FAT3: variants seen among roughly 807,000 people sequenced by gnomAD.
FAT3 encodes FAT atypical cadherin 3.
FAT3 carries 95 observed loss-of-function variants against 310.2 expected under a neutral mutation model. The ratio of observed to expected loss-of-function variants is 0.31; its 90% confidence interval spans 0.26 to 0.36. FAT3 has a LOEUF of 0.36. Among genes scored for constraint, FAT3 ranks in the 10% least tolerant of loss-of-function variants. FAT3 has a pLI of 1.00. For synonymous variants in FAT3, 2,314 were observed against 2,192.9 expected (o/e 1.06, Z -1.54); for missense variants, 5,408 against 5,715.6 (o/e 0.95, Z 1.74).
In FAT3 at chr11:92,571,204, C is replaced by T. The variant is rs547952358; in HGVS notation, c.3607+46256C>T. On this transcript the variant is annotated intron_variant, in intron 3 of 27. Coordinates refer to ENST00000525166, the MANE Select transcript of FAT3 (RefSeq NM_001367949.2). Reference sequence around the variant, plus strand: ...GAGGAAAGAGGTAAGGAATAGGAGCCTAGAAAAGGGAACTGGATGGACAAG... The same window carrying T: ...GAGGAAAGAGGTAAGGAATAGGAGCTTAGAAAAGGGAACTGGATGGACAAG... Among the ~76,000 whole-genome samples, 19 of 152,154 alleles carry T rather than the reference C, an allele frequency of 1.2e-4. 1 individual carries two copies. The highest frequency in any genetic ancestry group is 4.6e-4 in the African/African-American group (19 of 41,506).
Position 92,753,798 on chromosome 11 carries a change from G to GTGTGTGTGTGTGTGTGTATA in FAT3, c.3670-8057_3670-8056insGTGTGTGTGTGTGTGTATAT. On this transcript the variant is annotated intron_variant, in intron 4 of 27. Transcript: ENST00000525166. Reference sequence around the variant, plus strand: ...GGTGTGTGTGTGTGTGTGTGTGTGTGTATATATATATGGTGGAATACTACT... The same window carrying GTGTGTGTGTGTGTGTGTATA: ...GGTGTGTGTGTGTGTGTGTGTGTGTGTGTGTGTGTGTGTGTGTATATATATATATATGGTGGAATACTACT... 1.3e-3 allele frequency among the ~76,000 whole-genome samples: 156 copies of GTGTGTGTGTGTGTGTGTATA among 119,154 alleles called. 15 individuals carry two copies. Among genetic ancestry groups the GTGTGTGTGTGTGTGTGTATA allele is most frequent in the African/African-American group, 5.9e-3 (152 of 25,716 alleles). 78.2% of individuals were successfully genotyped at this position (119,154 alleles called of 152,430 possible). A position where few individuals can be genotyped will look rare whatever the true frequency, so the allele number is the denominator to read the frequency against.
intron 2 of FAT3, among the ~76,000 whole-genome samples, chr11:92,392,387 G>GT (rs1248512844): frequency 6.6e-6 from 1 of 151,972 alleles, no homozygotes; most frequent in Non-Finnish European, 1.5e-5. Flanking sequence ...AAGAAATAAG[G>GT]TTTGGGGCAT....
At chr11:92,415,734 C>T (rs370304059) in intron 2 of FAT3, among the ~76,000 whole-genome samples, 30 of 151,646 alleles carry the variant, frequency 2.0e-4, no homozygotes, top group Non-Finnish European at 4.0e-4. Flanking sequence ...AGCTTTGCAA[C>T]GTGCAAATGG....
At chr11:92,560,037 T>G (rs1317057671) in intron 3 of FAT3, among the ~76,000 whole-genome samples, 1 of 152,232 alleles carries the variant, frequency 6.6e-6, no homozygotes, top group Admixed American at 6.5e-5. Flanking sequence ...ACCTCCCTAC[T>G]GGTTTCCAAA....
At chr11:92,227,379 G>A (rs779271228) in intron 1 of FAT3, among the ~76,000 whole-genome samples, 4 of 152,142 alleles carry the variant, frequency 2.6e-5, no homozygotes, top group Non-Finnish European at 4.4e-5. Flanking sequence ...CCCAGGCTAA[G>A]TTAAAATAAA....
chr11:92,848,417 A>G, intron 19 of FAT3, among the ~76,000 whole-genome samples: 1 of 152,192 alleles, frequency 6.6e-6, no homozygotes, highest in East Asian at 1.9e-4. Context: ...ACCAACTTAA[A>G]TTAATTGAGG....
At chr11:92,650,843 G>A (rs950994140) in intron 3 of FAT3, among the ~76,000 whole-genome samples, 2 of 152,194 alleles carry the variant, frequency 1.3e-5, no homozygotes. Context: ...AAGGGATATT[G>A]TGAGGATTAA....
intron 4 of FAT3, among the ~76,000 whole-genome samples, chr11:92,707,422 C>A (rs1944388735): frequency 6.6e-6 from 1 of 152,172 alleles, no homozygotes; most frequent in African/African-American, 2.4e-5. Flanking sequence ...TTGCTGCTTC[C>A]TTTTAGTCTT....
At chr11:92,293,066 AAG>A (rs1946736300) in intron 1 of FAT3, among the ~76,000 whole-genome samples, 10 of 143,910 alleles carry the variant, frequency 6.9e-5, no homozygotes, top group African/African-American at 2.5e-4. Flanking sequence ...GGAAGGAAGG[AAG>A]GAAGGAAGGA....
chr11:92,265,039 A>G (rs1356988878), intron 1 of FAT3, among the ~76,000 whole-genome samples: 5 of 152,148 alleles, frequency 3.3e-5, no homozygotes, highest in East Asian at 3.9e-4. Context: ...GTTGAAAAAA[A>G]AACCAAAATA....
At chr11:92,670,396 T>C (rs1035122657) in intron 3 of FAT3, among the ~76,000 whole-genome samples, 1 of 152,220 alleles carries the variant, frequency 6.6e-6, no homozygotes, top group Non-Finnish European at 1.5e-5. Flanking sequence ...ACAAAATCAC[T>C]GTGCAGCCTT....
intron 4 of FAT3, among the ~76,000 whole-genome samples, chr11:92,698,215 A>G (rs949461311): frequency 9.2e-5 from 14 of 152,260 alleles, no homozygotes; most frequent in African/African-American, 2.9e-4. Flanking sequence ...GTTCCTAAGA[A>G]TCACTTTCTG....
chr11:92,315,479 GTATATA>G (rs1168085335), intron 1 of FAT3, among the ~76,000 whole-genome samples: 3,004 of 64,862 alleles, frequency 0.046, 144 homozygotes, highest in African/African-American at 0.11. Flanking sequence ...GTGTGTGTGT[GTATATA>G]TATATATATA....
At chr11:92,563,751 G>C (rs549325925) in intron 3 of FAT3, among the ~76,000 whole-genome samples, 21 of 152,048 alleles carry the variant, frequency 1.4e-4, no homozygotes, top group Admixed American at 1.2e-3. Flanking sequence ...TTAAGGAAAA[G>C]AATTTTCAAC....
At chr11:92,628,156 G>GT (rs1449656138) in intron 3 of FAT3, among the ~76,000 whole-genome samples, 1 of 152,190 alleles carries the variant, frequency 6.6e-6, no homozygotes, top group Non-Finnish European at 1.5e-5. Flanking sequence ...TTACTACTGA[G>GT]TAATGCACAT....
intron 3 of FAT3, among the ~76,000 whole-genome samples, chr11:92,560,901 T>A (rs1292303822): frequency 6.6e-6 from 1 of 152,186 alleles, no homozygotes; most frequent in African/African-American, 2.4e-5. Flanking sequence ...ATTGGCCTTA[T>A]AAAAGTATTT....
At chr11:92,356,030 T>C (rs1214796138) in intron 2 of FAT3, among the ~76,000 whole-genome samples, 1 of 152,210 alleles carries the variant, frequency 6.6e-6, no homozygotes, top group East Asian at 1.9e-4. Context: ...AAGAATTTAT[T>C]TGTAAGGAGA....
At chr11:92,285,511 G>A (rs977262923) in intron 1 of FAT3, among the ~76,000 whole-genome samples, 1 of 152,162 alleles carries the variant, frequency 6.6e-6, no homozygotes, top group Non-Finnish European at 1.5e-5. Context: ...ATGTTCTATT[G>A]AGGGGAGTAT....
rs140804335 is a variant in FAT3 at position 92,833,533 on chromosome 11, G to A, written c.9872-1337G>A. 5.4e-3 allele frequency among the ~76,000 whole-genome samples: 821 copies of A among 152,188 alleles called. 9 individuals are homozygous for A. Among genetic ancestry groups the A allele is most frequent in the African/African-American group, 0.018 (746 of 41,512 alleles). ...TTAATAAGTGGTTTATCCAACATTC[G>A]AACTCAGATCTTTCTGACTCTAGAA... On this transcript the variant is annotated intron_variant, in intron 14 of 27. Coordinates refer to ENST00000525166, the MANE Select transcript of FAT3 (RefSeq NM_001367949.2).
Sources: gnomAD v4.1 joint callset for allele counts (sites outside exome capture counted in the v4.1 genomes callset) on GRCh38, gnomAD v4.1.1 for gene constraint, MANE v1.5 for transcripts, NCBI Gene and HGNC (gene_info 2026-07-23, HGNC 2026-07-21) for gene names.